Variants in SRGAP2 observed in about 807,000 individuals in gnomAD.
SRGAP2 encodes the protein SLIT-ROBO Rho GTPase-activating protein 2.
Under a neutral mutation model 57.2 loss-of-function variants are expected in SRGAP2, and 15 were observed. The observed-to-expected ratio is 0.26, with a 90% CI of 0.18 to 0.40. The LOEUF (loss-of-function observed/expected upper bound fraction) is 0.40, where lower values mean the gene tolerates loss of function less well. Among genes scored for constraint, SRGAP2 ranks in the 10% least tolerant of loss-of-function variants. The pLI, the probability that SRGAP2 is intolerant of heterozygous loss-of-function variation, is 1.00. For missense variants in SRGAP2, 520 were observed against 669.6 expected (o/e 0.78, Z 2.47); for synonymous variants, 249 against 248.0 (o/e 1.00, Z -0.04).
chr1:206,441,036 A>G (rs906258726), intron 17 of SRGAP2, among the ~76,000 whole-genome samples: 13 of 152,202 alleles, frequency 8.5e-5, no homozygotes, highest in Non-Finnish European at 1.8e-4. Context: ...CATTTTGAAC[A>G]TAGCATTAAC....
chr1:206,447,357 T>C (rs1249250262), intron 18 of SRGAP2, among the ~76,000 whole-genome samples: 1 of 152,104 alleles, frequency 6.6e-6, no homozygotes, highest in Non-Finnish European at 1.5e-5. Flanking sequence ...TAGAGGCCAA[T>C]TGGTCCACGC....
chr1:206,296,543 C>T (rs1275160370), intron 2 of SRGAP2, among the ~76,000 whole-genome samples: 4 of 151,908 alleles, frequency 2.6e-5, no homozygotes, highest in African/African-American at 9.7e-5. Flanking sequence ...AAGCCTCCCA[C>T]CTCAGCCTCC....
In SRGAP2 at chr1:206,335,459, G is replaced by A. The variant is rs1199330978; in HGVS notation, c.261-7387G>A. 2.6e-4 allele frequency among the ~76,000 whole-genome samples: 39 copies of A among 150,178 alleles called. 2 individuals carry two copies. Among genetic ancestry groups the A allele is most frequent in the Non-Finnish European group, 6.0e-5 (4 of 66,938 alleles). On this transcript the variant is annotated intron_variant, in intron 3 of 22. Transcript: ENST00000573034. ...TTCATCCAAGCCAATGTACACACAA[G>A]CCACAAGACCAGGATAAGATGTGGG...
Position 206,359,798 on chromosome 1 carries a change from C to CTTTTTTTTTTTTTTT in SRGAP2, c.423+16802_423+16816dup, listed in dbSNP as rs1166916482. ...AGGATGGGGTACAAGGGATATTGCT[C>CTTTTTTTTTTTTTTT]TTTTTTTTTTTTTTTTTTTTTTTTT... On this transcript the variant is annotated intron_variant, in intron 4 of 22. Coordinates refer to ENST00000573034, the MANE Select transcript of SRGAP2 (RefSeq NM_015326.5). 4.4e-4 allele frequency among the ~76,000 whole-genome samples: 31 copies of CTTTTTTTTTTTTTTT among 70,226 alleles called. 2 individuals carry two copies. The highest frequency in any genetic ancestry group is 1.1e-3 in the African/African-American group (18 of 16,908). 46.1% of individuals were successfully genotyped at this position (70,226 alleles called of 152,430 possible). A position where few individuals can be genotyped will look rare whatever the true frequency, so the allele number is the denominator to read the frequency against.
chr1:206,276,865 C>T (rs2102674402), intron 2 of SRGAP2, among the ~76,000 whole-genome samples: 1 of 152,270 alleles, frequency 6.6e-6, no homozygotes, highest in South Asian at 2.1e-4. Flanking sequence ...GTCAATTGCA[C>T]AGCAGCTGAG....
intron 2 of SRGAP2, among the ~76,000 whole-genome samples, chr1:206,285,934 G>T (rs1670998803): frequency 6.6e-6 from 1 of 152,134 alleles, no homozygotes; most frequent in Non-Finnish European, 1.5e-5. Context: ...CCAAAGTACT[G>T]GGATTACAGG....
At chr1:206,324,476 T>TG (rs1379306463) in intron 3 of SRGAP2, among the ~76,000 whole-genome samples, 18 of 152,178 alleles carry the variant, frequency 1.2e-4, no homozygotes, top group African/African-American at 4.1e-4. Context: ...AAGGTAAGGC[T>TG]GGGGCCTCTG....
chr1:206,372,989 CTTT>C (rs1654801392), intron 4 of SRGAP2, among the ~76,000 whole-genome samples: 25 of 91,430 alleles, frequency 2.7e-4, no homozygotes, highest in African/African-American at 1.1e-3. Context: ...TTCTTTCTTT[CTTT>C]CTTTCTTTCT....
chr1:206,305,067 C>A (rs1672110130), intron 3 of SRGAP2, among the ~76,000 whole-genome samples: 1 of 123,224 alleles, frequency 8.1e-6, no homozygotes, highest in East Asian at 2.4e-4. Flanking sequence ...CACACCCAGC[C>A]CATCTATGTT....
intron 2 of SRGAP2, among the ~76,000 whole-genome samples, chr1:206,258,214 A>G (rs1406634561): frequency 1.3e-5 from 2 of 151,854 alleles, no homozygotes; most frequent in Non-Finnish European, 2.9e-5. Context: ...GCCTATTTTT[A>G]TGAATAAGCC....
At chr1:206,239,208 C>A (rs1668058668) in intron 2 of SRGAP2, among the ~76,000 whole-genome samples, 1 of 147,068 alleles carries the variant, frequency 6.8e-6, no homozygotes, top group Non-Finnish European at 1.5e-5. Flanking sequence ...GCAGTGGCAA[C>A]AGCAGAAAAA....
rs537281475 is a variant in SRGAP2 at position 206,458,409 on chromosome 1, A to G, written c.2508-214A>G. 4.2e-6 allele frequency: 3 copies of G among 707,840 alleles called. No individual in the cohort carries two copies. The South Asian group carries it at 4.5e-5, about 11-fold the overall frequency. 43.8% of individuals were successfully genotyped at this position (707,840 alleles called of 1,614,324 possible). A position where few individuals can be genotyped will look rare whatever the true frequency, so the allele number is the denominator to read the frequency against. On this transcript the variant is annotated intron_variant, in intron 21 of 22. Transcript: ENST00000573034. ...GACAACACAAAGCCCGTGACCACCA[A>G]GTAAGTATCCATTTCTCCTTCACCC...
intron 5 of SRGAP2, among the ~76,000 whole-genome samples, chr1:206,385,789 C>T (rs2987923): frequency 6.6e-6 from 1 of 152,152 alleles, no homozygotes; most frequent in Non-Finnish European, 1.5e-5. Flanking sequence ...GCCCAATATT[C>T]GCCAACTACT....
At chr1:206,325,818 C>T (rs1312807779) in intron 3 of SRGAP2, among the ~76,000 whole-genome samples, 2 of 152,064 alleles carry the variant, frequency 1.3e-5, no homozygotes, top group African/African-American at 2.4e-5. Context: ...ATAAAATTAC[C>T]TGACATGCTG....
chr1:206,374,215 A>T (rs1655005724), intron 4 of SRGAP2, among the ~76,000 whole-genome samples: 1 of 150,616 alleles, frequency 6.6e-6, no homozygotes, highest in Non-Finnish European at 1.5e-5. Flanking sequence ...TTTTTAGTAG[A>T]GATGGGGTTT....
intron 22 of SRGAP2, among the ~76,000 whole-genome samples, chr1:206,459,639 C>T (rs1421635564): frequency 6.6e-6 from 1 of 152,216 alleles, no homozygotes; most frequent in Non-Finnish European, 1.5e-5. Flanking sequence ...AAGCAGTTCA[C>T]TCAGACGTCT....
chr1:206,453,849 G>T, intron 20 of SRGAP2: 1 of 345,868 alleles, frequency 2.9e-6, no homozygotes, highest in Non-Finnish European at 5.2e-6. Context: ...GGAGAAATCC[G>T]GCTTAAGCAG....
At chr1:206,332,231 T>C (rs1553332111) in intron 3 of SRGAP2, among the ~76,000 whole-genome samples, 1 of 120,484 alleles carries the variant, frequency 8.3e-6, no homozygotes, top group African/African-American at 3.4e-5. Flanking sequence ...TCTCTCTGGC[T>C]GCCCTTAACA....
At chr1:206,245,506 G>A (rs1668490031) in intron 2 of SRGAP2, among the ~76,000 whole-genome samples, 1 of 152,180 alleles carries the variant, frequency 6.6e-6, no homozygotes, top group Non-Finnish European at 1.5e-5. Context: ...CTGACACATT[G>A]TGACCAGTTT....
Sources: allele counts gnomAD v4.1 joint callset (sites outside exome capture counted in the v4.1 genomes callset), GRCh38; gene constraint gnomAD v4.1.1; transcripts MANE v1.5; gene names NCBI Gene and HGNC (gene_info 2026-07-23, HGNC 2026-07-21).